Variants in CCNB2 observed in about 807,000 individuals in gnomAD.
The protein encoded by CCNB2 is cyclin B2.
A neutral mutation model predicts 51.1 loss-of-function variants in CCNB2; 39 were observed. The observed-to-expected ratio is 0.76, with a 90% CI of 0.59 to 1.00. The LOEUF is 1.00. Ranked by LOEUF, CCNB2 falls within the 50% of genes least tolerant of loss-of-function variation. The pLI is 0.00. For missense variants in CCNB2, 472 were observed against 470.3 expected (o/e 1.00, Z -0.03); for synonymous variants, 174 against 165.5 (o/e 1.05, Z -0.40).
chr15:59,112,821 T>G (rs1296714871), intron 3 of CCNB2, among the ~76,000 whole-genome samples: 1 of 151,526 alleles, frequency 6.6e-6, no homozygotes, highest in African/African-American at 2.4e-5. Context: ...GATCACAAGG[T>G]CAGGAGATCG....
At chr15:59,120,426 G>C (rs554682253) in intron 7 of CCNB2, among the ~76,000 whole-genome samples, 1 of 152,246 alleles carries the variant, frequency 6.6e-6, no homozygotes, top group African/African-American at 2.4e-5. Flanking sequence ...GGAGTTGGAG[G>C]CTGCATTGAC....
chr15:59,115,232 T>G (rs1406372918), intron 5 of CCNB2, among the ~76,000 whole-genome samples: 2 of 152,148 alleles, frequency 1.3e-5, no homozygotes, highest in African/African-American at 4.8e-5. Flanking sequence ...ACAATTTCCA[T>G]AGTTTGGTGC....
chr15:59,109,801 A>G (rs2079250760), intron 3 of CCNB2, among the ~76,000 whole-genome samples: 1 of 152,138 alleles, frequency 6.6e-6, no homozygotes, highest in African/African-American at 2.4e-5. Flanking sequence ...CCTGGCTAAC[A>G]CAGTAAAACC....
intron 3 of CCNB2, among the ~76,000 whole-genome samples, chr15:59,107,967 C>G (rs567063892): frequency 3.3e-5 from 5 of 151,912 alleles, no homozygotes; most frequent in Admixed American, 6.5e-5. Flanking sequence ...CCACTGCACT[C>G]TAGCCTGGAC....
At chr15:59,105,374 C>T (rs2079231251) in intron 1 of CCNB2, 82 bp downstream of exon 1, 7 of 1,433,842 alleles carry the variant, frequency 4.9e-6, no homozygotes, top group East Asian at 2.5e-5. Context: ...CTGCTCCGAG[C>T]TTCTCCGTCC....
chr15:59,110,477 C>G (rs769140769), intron 3 of CCNB2, among the ~76,000 whole-genome samples: 2 of 152,198 alleles, frequency 1.3e-5, no homozygotes, highest in Non-Finnish European at 2.9e-5. Flanking sequence ...GCCTGCCTGT[C>G]TCTGGTCAGC....
intron 3 of CCNB2, among the ~76,000 whole-genome samples, chr15:59,112,624 C>G (rs1021417899): frequency 2.0e-5 from 3 of 151,828 alleles, no homozygotes; most frequent in South Asian, 2.1e-4. Flanking sequence ...GGATTATAGG[C>G]GTGAGCCACC....
chr15:59,116,979 G>A (rs28383543), intron 6 of CCNB2, 53 bp downstream of exon 6: 49,558 of 1,422,216 alleles, frequency 0.035, 1,044 homozygotes, highest in Non-Finnish European at 0.041. Context: ...TCTCATCCCA[G>A]AAACCTTGAC....
intron 3 of CCNB2, among the ~76,000 whole-genome samples, chr15:59,111,893 T>C (rs2079259182): frequency 6.7e-6 from 1 of 149,858 alleles, no homozygotes. Context: ...TCACTCTGTC[T>C]CTAGGCTGGA....
At chr15:59,122,239 A>ATTTTTT (rs1330208146) in intron 7 of CCNB2, among the ~76,000 whole-genome samples, 26 of 97,416 alleles carry the variant, frequency 2.7e-4, no homozygotes, top group East Asian at 7.5e-4. Flanking sequence ...CAGTTGACAT[A>ATTTTTT]TCTTTTTTTT....
chr15:59,117,537 C>T (rs1434900480), intron 7 of CCNB2, among the ~76,000 whole-genome samples, 169 bp downstream of exon 7: 1 of 152,202 alleles, frequency 6.6e-6, no homozygotes, highest in South Asian at 2.1e-4. Flanking sequence ...GGTGCCATCA[C>T]AGCCCACTGC....
At chr15:59,120,911 C>T (rs1293308975) in intron 7 of CCNB2, 6 of 152,062 alleles carry the variant, frequency 3.9e-5, no homozygotes, top group African/African-American at 9.7e-5. Flanking sequence ...GTTGCCATGC[C>T]GTGTTGTGCA....
At chr15:59,106,992 G>A (rs557792493) in intron 1 of CCNB2, among the ~76,000 whole-genome samples, 27 of 152,276 alleles carry the variant, frequency 1.8e-4, no homozygotes, top group African/African-American at 6.0e-4. Context: ...TCTCTAACAA[G>A]TGATATGGGT....
intron 7 of CCNB2, 82 bp from the exon 8 acceptor site, chr15:59,123,435 G>T (rs1360529996): frequency 2.6e-6 from 2 of 774,240 alleles, no homozygotes; most frequent in Non-Finnish European, 4.5e-6. Flanking sequence ...ATGTCATCAT[G>T]TACAAGATGT....
At chr15:59,115,252 A>G (rs1309333148) in intron 5 of CCNB2, among the ~76,000 whole-genome samples, 2 of 152,040 alleles carry the variant, frequency 1.3e-5, no homozygotes, top group African/African-American at 4.8e-5. Context: ...CTCTGGTGTT[A>G]AGTTTCCTCA....
Position 59,117,351 on chromosome 15 carries a change from C to G in CCNB2, c.958C>G (p.Leu320Val), listed in dbSNP as rs745599085. ...AAASCLSQKV[L>V]GQGKWNLKQQ... Reference sequence around the variant, plus strand: ...TGCTTCCTGCTTGTCTCAGAAGGTTCTAGGACAAGGAAAATGGGTGAGTGG... The same window carrying G: ...TGCTTCCTGCTTGTCTCAGAAGGTTGTAGGACAAGGAAAATGGGTGAGTGG... The change falls in exon 7 of 9, where the codon CTA becomes GTA. Residue 320 changes from leucine to valine, a missense_variant. Leu to Val is a conservative substitution (Grantham distance 32). Transcript: ENST00000288207. The G allele has an allele frequency of 6.2e-7, 1 of 1,613,552 alleles. No homozygotes were observed. Among genetic ancestry groups the G allele is most frequent in the African/African-American group, 1.3e-5 (1 of 74,900 alleles).
At chr15:59,110,389 C>T (rs28383515) in intron 3 of CCNB2, among the ~76,000 whole-genome samples, 2 of 152,198 alleles carry the variant, frequency 1.3e-5, no homozygotes, top group East Asian at 3.8e-4. Context: ...AAATACATTT[C>T]CCTCTGAGAA....
In CCNB2 at chr15:59,114,482, AG is replaced by A; in HGVS notation, c.307del (p.Glu103ArgfsTer49). On this transcript the variant is annotated frameshift_variant, in exon 4 of 9. Transcript: ENST00000288207. LOFTEE classifies it high-confidence loss of function. ...CACCTGAGGATGTCTCCATGAAGGAAGAGAATCTCTGCCAAGCTTTTTCTGA... is the reference window on the plus strand; with the variant it reads ...CACCTGAGGATGTCTCCATGAAGGAAAGAATCTCTGCCAAGCTTTTTCTGA... Reference protein sequence around the residue: ...PTPEDVSMKEENLCQAFSDAL... With the variant: ...PTPEDVSMKEXNLCQAFSDAL... 1 of 1,612,310 alleles carries A rather than the reference AG, an allele frequency of 6.2e-7. No individual in the cohort carries two copies. Among genetic ancestry groups the A allele is most frequent in the East Asian group, 2.2e-5 (1 of 44,892 alleles).
chr15:59,124,722 AT>A (rs2079317827), intron 8 of CCNB2, 44 bp from the exon 9 acceptor site: 4 of 1,290,646 alleles, frequency 3.1e-6, no homozygotes. Context: ...ATAAGGTATC[AT>A]TGGGGGTTCC....
Sources: allele counts gnomAD v4.1 joint callset (sites outside exome capture counted in the v4.1 genomes callset), GRCh38; gene constraint gnomAD v4.1.1; transcripts MANE v1.5; gene names NCBI Gene and HGNC (gene_info 2026-07-23, HGNC 2026-07-21).